The following NLRP5 variants were observed in gnomAD, a reference collection of about 807,000 sequenced individuals.
The protein encoded by NLRP5 is NACHT, LRR and PYD domains-containing protein 5.
In NLRP5, 93 loss-of-function variants were observed where a neutral mutation model predicts 113.1. The ratio of observed to expected loss-of-function variants is 0.82; its 90% CI spans 0.70 to 0.98. The LOEUF (loss-of-function observed/expected upper bound fraction) is 0.98, where lower values mean the gene tolerates loss of function less well. NLRP5 is among the 50% of genes least tolerant of loss of function. NLRP5 has a pLI of 0.00. For missense variants in NLRP5, 1,808 were observed against 1,514.3 expected (o/e 1.19, Z -3.22); for synonymous variants, 751 against 600.7 (o/e 1.25, Z -3.66).
At chr19:56,025,406 GTCTC>G (rs746496320) in intron 6 of NLRP5, among the ~76,000 whole-genome samples, 6 of 127,664 alleles carry the variant, frequency 4.7e-5, no homozygotes, top group South Asian at 5.5e-4. Flanking sequence ...CTCTCTCTCT[GTCTC>G]TCTGTTTTTT....
At chr19:56,052,918 C>CTGCTG (rs1402087300) in intron 12 of NLRP5, among the ~76,000 whole-genome samples, 1 of 152,222 alleles carries the variant, frequency 6.6e-6, no homozygotes, top group Non-Finnish European at 1.5e-5. Flanking sequence ...GAAGCAAACT[C>CTGCTG]TGCTGTGCTC....
chr19:55,990,059 G>A, the NLRP5 span, among the ~76,000 whole-genome samples: 4 of 124,920 alleles, frequency 3.2e-5, no homozygotes, highest in Non-Finnish European at 7.1e-5. Flanking sequence ...AAGTCATGCC[G>A]TTTCTTTTTT....
chr19:56,016,380 C>T (rs929145220), intron 4 of NLRP5, among the ~76,000 whole-genome samples: 12 of 152,020 alleles, frequency 7.9e-5, no homozygotes, highest in African/African-American at 2.9e-4. Flanking sequence ...CTGGAACTCC[C>T]GACCTCAGGT....
chr19:55,991,966 C>G, the NLRP5 span, among the ~76,000 whole-genome samples: 4,603 of 152,170 alleles, frequency 0.03, 105 homozygotes, highest in Middle Eastern at 0.054. Context: ...TTTCCTCACC[C>G]AGGTTATTAA....
At position 56,053,791 on chromosome 19, in the gene NLRP5, T is replaced by G; in HGVS notation, c.3282T>G (p.Ser1094Arg). 1 of 1,613,720 alleles carries G rather than the reference T, an allele frequency of 6.2e-7. No individual in the cohort carries two copies. The highest frequency in any genetic ancestry group is 8.5e-7 in the Non-Finnish European group (1 of 1,179,786). The change falls in exon 13 of 15, where the codon AGT becomes AGG. Residue 1094 changes from serine (S) to arginine (R), a missense_variant. Transcript: ENST00000390649. The stretch of plus-strand genomic sequence containing the variant: ...GCGAGGGACTGAAGCAAAAGAACAG[T>G]GTTCTGGCGAGACTCGGGTAACTTC...
intron 6 of NLRP5, among the ~76,000 whole-genome samples, chr19:56,023,997 G>A (rs62120426): frequency 0.089 from 13,573 of 152,030 alleles, 795 homozygotes; most frequent in African/African-American, 0.16. Context: ...GATATCAGAG[G>A]CTGAAGAGGC....
the NLRP5 span, among the ~76,000 whole-genome samples, chr19:55,990,657 T>C: frequency 1.3e-5 from 2 of 152,116 alleles, no homozygotes; most frequent in Admixed American, 1.3e-4. Flanking sequence ...AAACCCCGTC[T>C]CTACTAAAAA....
At chr19:56,016,316 G>C (rs1020677339) in intron 4 of NLRP5, among the ~76,000 whole-genome samples, 2 of 152,030 alleles carry the variant, frequency 1.3e-5, no homozygotes, top group African/African-American at 4.8e-5. Flanking sequence ...ACCACGCCCA[G>C]CTAATTTTGT....
chr19:56,002,074 G>C (rs1279153751), intron 1 of NLRP5, among the ~76,000 whole-genome samples: 1 of 152,252 alleles, frequency 6.6e-6, no homozygotes, highest in African/African-American at 2.4e-5. Flanking sequence ...TAGACAACTC[G>C]GGGAGGTAAT....
At chr19:56,032,898 C>T in intron 8 of NLRP5, 117 bp downstream of exon 8, 1 of 1,023,184 alleles carries the variant, frequency 9.8e-7, no homozygotes, top group Non-Finnish European at 1.4e-6. Context: ...GCATAAGTGC[C>T]ACCAAAGGTG....
At chr19:56,036,591 CAAA>C (rs1983326391) in intron 9 of NLRP5, among the ~76,000 whole-genome samples, 1 of 152,284 alleles carries the variant, frequency 6.6e-6, no homozygotes, top group Non-Finnish European at 1.5e-5. Context: ...CAGAACAAGA[CAAA>C]AAGAATGATG....
chr19:55,991,348 A>G, the NLRP5 span, among the ~76,000 whole-genome samples: 2 of 152,096 alleles, frequency 1.3e-5, no homozygotes, highest in Admixed American at 6.6e-5. Flanking sequence ...TTCTTCTTAG[A>G]ATTTTCTTGT....
Position 56,028,153 on chromosome 19 carries a change from C to T in NLRP5, c.1920C>T (p.Leu640=), listed in dbSNP as rs771082914. The T allele has an allele frequency of 6.8e-6, 11 of 1,613,960 alleles. No individual in the cohort carries two copies. Among genetic ancestry groups the T allele is most frequent in the East Asian group, 2.2e-5 (1 of 44,868 alleles). ...GGATGAAGCGTTTCTTGTTTGGCCTCGTGAGCGAAGACGTAAGGAGGCCAC... is the reference window on the plus strand; with the variant it reads ...GGATGAAGCGTTTCTTGTTTGGCCTTGTGAGCGAAGACGTAAGGAGGCCAC... Residue 640 remains leucine (L), a synonymous_variant, in exon 7 of 15, where the codon CTC becomes CTT. Transcript: ENST00000390649.
chr19:56,061,366 C>T, intron 14 of NLRP5, 30 bp from the exon 15 acceptor site: 3 of 1,609,118 alleles, frequency 1.9e-6, no homozygotes, highest in Non-Finnish European at 2.5e-6. Flanking sequence ...AGCAACATCT[C>T]AGTAACGAGT....
rs1257975630 is a variant in NLRP5 at position 56,026,935 on chromosome 19, C to CT, written c.703dup (p.Tyr235LeufsTer11). ...CAGGACATGGAGGTGACACATGGGA[C>CT]TACAAGAGTCACGTGATGACCAAAT... is the stretch of plus-strand genomic sequence containing the variant. On this transcript the variant is annotated frameshift_variant, in exon 7 of 15. Transcript: ENST00000390649. LOFTEE classifies it high-confidence loss of function. 6.4e-7 allele frequency: 1 copy of CT among 1,551,560 alleles called. No individual in the cohort carries two copies. Among genetic ancestry groups the CT allele is most frequent in the Non-Finnish European group, 8.7e-7 (1 of 1,146,928 alleles).
chr19:55,998,854 A>G (rs592690), upstream of NLRP5, among the ~76,000 whole-genome samples: 1 of 150,920 alleles, frequency 6.6e-6, no homozygotes, highest in African/African-American at 2.4e-5. Flanking sequence ...TGCGATGTTT[A>G]GATATATGTA....
chr19:56,044,681 T>C (rs1039760430), intron 11 of NLRP5, among the ~76,000 whole-genome samples: 6 of 152,094 alleles, frequency 3.9e-5, no homozygotes, highest in African/African-American at 1.4e-4. Context: ...GAGTTTTGCT[T>C]TGGCCATGCT....
At chr19:56,006,950 A>G (rs77033292) in intron 2 of NLRP5, among the ~76,000 whole-genome samples, 35,687 of 150,472 alleles carry the variant, frequency 0.24, 4,670 homozygotes, top group East Asian at 0.36. Flanking sequence ...CTTGTTAGCC[A>G]GGATGGTCTC....
At chr19:55,995,773 G>T (rs1197265181), upstream of NLRP5, among the ~76,000 whole-genome samples, 2 of 151,892 alleles carry the variant, frequency 1.3e-5, no homozygotes, top group African/African-American at 4.8e-5. Context: ...TATTCTGTGG[G>T]TTTTACTATA....
Sources: gnomAD v4.1 joint callset for allele counts (sites outside exome capture counted in the v4.1 genomes callset) on GRCh38, gnomAD v4.1.1 for gene constraint, MANE v1.5 for transcripts, NCBI Gene and HGNC (gene_info 2026-07-23, HGNC 2026-07-21) for gene names.